The following SNAPC4 variants were observed in gnomAD, a reference collection of about 807,000 sequenced individuals.
SNAPC4 encodes snRNA-activating protein complex subunit 4.
Under a neutral mutation model 151.3 loss-of-function variants are expected in SNAPC4, and 127 were observed. That is an observed-to-expected ratio of 0.84 (90% CI 0.73 to 0.97). SNAPC4 has a LOEUF of 0.97. Ranked by LOEUF, SNAPC4 falls within the 50% of genes least tolerant of loss-of-function variation. The pLI is 0.00. For synonymous variants in SNAPC4, 1,002 were observed against 824.4 expected, an observed-to-expected ratio of 1.22 and a Z score of -3.69; for missense variants, 2,186 against 1,935.0, an observed-to-expected ratio of 1.13 and a Z score of -2.43.
rs1393143029 is a variant in SNAPC4 at position 136,379,873 on chromosome 9, G to C, written c.2500-9C>G. On this transcript the variant is annotated splice_polypyrimidine_tract_variant and intron_variant, in intron 20 of 23. Transcript: ENST00000684778. ...TGGGCACTTGAGGATGCCTGGAAATGAAAGAGAGGAGAGTCAGCAGCTCAG... is the reference window on the plus strand; with the variant it reads ...TGGGCACTTGAGGATGCCTGGAAATCAAAGAGAGGAGAGTCAGCAGCTCAG... 2 of 1,612,348 alleles carry C rather than the reference G, an allele frequency of 1.2e-6. No individual in the cohort carries two copies. Among genetic ancestry groups the C allele is most frequent in the Non-Finnish European group, 1.7e-6 (2 of 1,179,250 alleles).
intron 7 of SNAPC4, among the ~76,000 whole-genome samples, chr9:136,393,985 A>G (rs151094300): frequency 4.1e-4 from 63 of 152,304 alleles, no homozygotes; most frequent in African/African-American, 1.5e-3. Flanking sequence ...TGGTACAATC[A>G]TGGCTCACTG....
At position 136,382,641 on chromosome 9, in the gene SNAPC4, C is replaced by T. The variant is rs768800307; in HGVS notation, c.1984-305G>A. Reference sequence around the variant, plus strand: ...TAGGGAGATGCTGGCTGTGCAGCAGCGAGCCCCATGCACCTAGCTCTGCCA... The same window carrying T: ...TAGGGAGATGCTGGCTGTGCAGCAGTGAGCCCCATGCACCTAGCTCTGCCA... On this transcript the variant is annotated intron_variant, in intron 16 of 23. Transcript: ENST00000684778. Among the ~76,000 whole-genome samples, 9 of 152,350 alleles carry T rather than the reference C, an allele frequency of 5.9e-5. No individual in the cohort carries two copies. The South Asian group carries it at 1.4e-3, about 25-fold the overall frequency.
At chr9:136,382,433 G>C in intron 16 of SNAPC4, 97 bp from the exon 17 acceptor site, 6 of 1,033,438 alleles carry the variant, frequency 5.8e-6, no homozygotes, top group Non-Finnish European at 8.8e-6. Context: ...CTTCACCCAG[G>C]CTCCAAAGCG....
intron 13 of SNAPC4, among the ~76,000 whole-genome samples, chr9:136,385,745 A>G (rs570934164): frequency 1.3e-5 from 2 of 152,200 alleles, no homozygotes; most frequent in Admixed American, 1.3e-4. Context: ...TAGTAGAGAC[A>G]GGGTTTTACC....
chr9:136,382,230 TGG>T, intron 17 of SNAPC4, 21 bp downstream of exon 17: 2 of 1,610,538 alleles, frequency 1.2e-6, no homozygotes, highest in Non-Finnish European at 1.7e-6. Context: ...GGCGTGCGCG[TGG>T]GTGTCTGCAG....
intron 6 of SNAPC4, among the ~76,000 whole-genome samples, 168 bp from the exon 7 acceptor site, chr9:136,394,498 C>T (rs1028760509): frequency 2.0e-5 from 3 of 152,230 alleles, no homozygotes; most frequent in Non-Finnish European, 4.4e-5. Flanking sequence ...GAGCTCCACC[C>T]GAGGCCTGGC....
intron 5 of SNAPC4, 50 bp downstream of exon 5, chr9:136,395,248 T>C (rs766499502): frequency 1.3e-6 from 2 of 1,584,512 alleles, no homozygotes; most frequent in African/African-American, 2.7e-5. Flanking sequence ...ACAAGAACCC[T>C]TCCCACGGTG....
At position 136,396,836 on chromosome 9, in the gene SNAPC4, T is replaced by A. The variant is rs1428844253; in HGVS notation, c.177+141A>T. 1.1e-5 allele frequency: 8 copies of A among 748,006 alleles called. No homozygotes were observed. The Admixed American group carries it at 1.7e-4, about 15-fold the overall frequency. 46.3% of individuals were successfully genotyped at this position (748,006 alleles called of 1,614,324 possible). A position where few individuals can be genotyped will look rare whatever the true frequency, so the allele number is the denominator to read the frequency against. On this transcript the variant is annotated intron_variant, in intron 3 of 23. Coordinates refer to ENST00000684778, the MANE Select transcript of SNAPC4 (RefSeq NM_003086.4). ...GACAATTTCAATGACAAATGCTTTT[T>A]AATTTTTTTATAACAAACGTGAATC...
intron 7 of SNAPC4, among the ~76,000 whole-genome samples, chr9:136,393,845 G>T (rs915831653): frequency 1.3e-5 from 2 of 152,210 alleles, no homozygotes; most frequent in East Asian, 3.9e-4. Context: ...TGCAGAGAAC[G>T]GGCATACAGC....
rs1246945759 is a variant in SNAPC4, at chr9:136,378,734, T to G, written c.3093A>C (p.Ala1031=). Residue 1031 remains alanine (A), a synonymous_variant, in exon 22 of 24, where the codon GCA becomes GCC. Coordinates refer to ENST00000684778, the MANE Select transcript of SNAPC4 (RefSeq NM_003086.4). ...SGLGQSQAPA[A]SRKQGLPEAP... ...CCTCAGGCAGGCCCTGCTTCCGGGA[T>G]GCAGCGGGGGCCTGAGACTGTCCGA... is the stretch of plus-strand genomic sequence containing the variant. The G allele has an allele frequency of 1.3e-6, 2 of 1,511,914 alleles. No homozygotes were observed. The highest frequency in any genetic ancestry group is 1.8e-6 in the Non-Finnish European group (2 of 1,130,426). The allele number at this position is 1,511,914 out of a possible 1,614,324, so 93.7% of individuals were successfully genotyped here.
chr9:136,385,748 G>T (rs537918528), intron 13 of SNAPC4, among the ~76,000 whole-genome samples: 74 of 152,200 alleles, frequency 4.9e-4, no homozygotes, highest in Non-Finnish European at 1.2e-4. Context: ...TAGAGACAGG[G>T]TTTTACCATA....
intron 23 of SNAPC4, among the ~76,000 whole-genome samples, 154 bp downstream of exon 23, chr9:136,376,195 C>A (rs1372895542): frequency 6.6e-6 from 1 of 152,170 alleles, no homozygotes; most frequent in Non-Finnish European, 1.5e-5. Flanking sequence ...TGCTTCTCCC[C>A]CTGGAGGGCC....
rs781018008 is a variant in SNAPC4 at position 136,378,464 on chromosome 9, C to A, written c.3363G>T (p.Ala1121=). The A allele has an allele frequency of 6.3e-7, 1 of 1,587,874 alleles. No homozygotes were observed. Among genetic ancestry groups the A allele is most frequent in the Non-Finnish European group, 8.5e-7 (1 of 1,171,658 alleles). Residue 1121 remains alanine, a synonymous_variant, in exon 22 of 24, where the codon GCG becomes GCT. Coordinates refer to ENST00000684778, the MANE Select transcript of SNAPC4 (RefSeq NM_003086.4). ...ACGCTGGGGCCCTGGGGCCCTGGGCCGCCCGAGTCTCAGTCAGGGGAGGCA... is the reference window on the plus strand; with the variant it reads ...ACGCTGGGGCCCTGGGGCCCTGGGCAGCCCGAGTCTCAGTCAGGGGAGGCA... ...TLLPPLTETR[A]AQGPRAPALS...
At chr9:136,379,688 C>T (rs1833616937) in intron 21 of SNAPC4, 149 bp downstream of exon 21, 1 of 781,134 alleles carries the variant, frequency 1.3e-6, no homozygotes, top group African/African-American at 1.7e-5. Flanking sequence ...ACTCTCATCC[C>T]TGTGGTGGGA....
chr9:136,384,740 A>C lies in SNAPC4; in HGVS notation c.1400T>G (p.Leu467Ter). Reference protein sequence around the residue: ...NLKEEEQLIELIEKYGVGHWA... With the variant: ...NLKEEEQLIE ...CTTACCGACACCATATTTTTCTATT[A>C]ATTCAATTAACTGTTCCTCTTCTTT... Residue 467 changes from leucine (L) to a stop codon, truncating the protein, a stop_gained, in exon 14 of 24, where the codon TTA (leucine) becomes TGA (stop). Transcript: ENST00000684778. LOFTEE classifies it high-confidence loss of function. The C allele has an allele frequency of 1.3e-6, 2 of 1,552,888 alleles. No individual in the cohort carries two copies. Among genetic ancestry groups the C allele is most frequent in the Non-Finnish European group, 1.8e-6 (2 of 1,133,974 alleles).
chr9:136,378,778 T>C lies in SNAPC4; in HGVS notation c.3049A>G (p.Ser1017Gly), dbSNP rs1169350534. 3.2e-6 allele frequency: 5 copies of C among 1,549,168 alleles called. No homozygotes were observed. The highest frequency in any genetic ancestry group is 4.4e-6 in the Non-Finnish European group (5 of 1,147,160). Residue 1017 changes from serine (S) to glycine (G), a missense_variant, in exon 22 of 24, where the codon AGC becomes GGC. Ser to Gly is a moderately conservative substitution (Grantham distance 56, BLOSUM62 0). Transcript: ENST00000684778. Reference protein sequence around the residue: ...PALGPGQISVSCPESGLGQSQ... With the variant: ...PALGPGQISVGCPESGLGQSQ... ...TGTCCGAGACCACTCTCGGGGCAGC[T>C]CACAGAGATCTGGCCGGGGCCCAGG...
In SNAPC4 at chr9:136,383,815, G is replaced by T; in HGVS notation, c.1500+138C>A. 1 of 1,349,080 alleles carries T rather than the reference G, an allele frequency of 7.4e-7. No homozygotes were observed. The highest frequency in any genetic ancestry group is 1.0e-6 in the Non-Finnish European group (1 of 962,026). The allele number at this position is 1,349,080 out of a possible 1,614,324, so 83.6% of individuals were successfully genotyped here. On this transcript the variant is annotated intron_variant, in intron 15 of 23. Coordinates refer to ENST00000684778, the MANE Select transcript of SNAPC4 (RefSeq NM_003086.4). The surrounding 1 kb of genome is among the most constrained non-coding windows in gnomAD (Gnocchi z 4.2). ...CGCTGCCGAGGCAGGGTCTCCCTTTGCCCTTGGCCACCCAGAAGAAGAAAT... is the reference window on the plus strand; with the variant it reads ...CGCTGCCGAGGCAGGGTCTCCCTTTTCCCTTGGCCACCCAGAAGAAGAAAT...
At chr9:136,394,556 C>T (rs1446601132) in intron 6 of SNAPC4, among the ~76,000 whole-genome samples, 1 of 152,212 alleles carries the variant, frequency 6.6e-6, no homozygotes, top group African/African-American at 2.4e-5. Flanking sequence ...AAGACAAGGG[C>T]GGGGAGACTG....
Position 136,398,445 on chromosome 9 carries a change from C to T in SNAPC4, c.-9-8G>A, listed in dbSNP as rs1834348590. 6.2e-7 allele frequency: 1 copy of T among 1,609,224 alleles called. No individual in the cohort carries two copies. Among genetic ancestry groups the T allele is most frequent in the African/African-American group, 1.3e-5 (1 of 74,788 alleles). On this transcript the variant is annotated splice_region_variant and splice_polypyrimidine_tract_variant and intron_variant, in intron 1 of 23. Transcript: ENST00000684778. ...TACATCCATGACTCCCGCCTGCCTC[C>T]AAAACACACCCCGAGATGTTAGAAA...
Sources: gnomAD v4.1 joint callset for allele counts (sites outside exome capture counted in the v4.1 genomes callset) on GRCh38, gnomAD v4.1.1 for gene constraint, Gnocchi (gnomAD v3.1) non-coding constraint, MANE v1.5 for transcripts, NCBI Gene and HGNC (gene_info 2026-07-23, HGNC 2026-07-21) for gene names.